P4HTM: variants seen among roughly 807,000 people sequenced by gnomAD.
P4HTM encodes transmembrane prolyl 4-hydroxylase.
A neutral mutation model predicts 55.3 loss-of-function variants in P4HTM; 33 were observed. The ratio of observed to expected loss-of-function variants is 0.60; its 90% CI spans 0.45 to 0.80. P4HTM has a LOEUF of 0.80. Ranked by LOEUF, P4HTM falls within the 30% of genes least tolerant of loss-of-function variation. The pLI, the probability that P4HTM is intolerant of heterozygous loss-of-function variation, is 0.00. For synonymous variants in P4HTM, 272 were observed against 286.4 expected (o/e 0.95, Z 0.51); for missense variants, 542 against 696.5 (o/e 0.78, Z 2.50).
Position 49,007,025 on chromosome 3 carries a change from C to A in P4HTM, c.*118C>A. 1.2e-6 allele frequency: 1 copy of A among 832,032 alleles called. No individual in the cohort carries two copies. The highest frequency in any genetic ancestry group is 1.9e-6 in the Non-Finnish European group (1 of 530,752). The allele number at this position is 832,032 out of a possible 1,614,324, so 51.5% of individuals were successfully genotyped here. ...CTGGCCAATGTCTTGCCCCACCCCGCCAGCCGCGATACGGCGCAGTTCCTA... is the reference window on the plus strand; with the variant it reads ...CTGGCCAATGTCTTGCCCCACCCCGACAGCCGCGATACGGCGCAGTTCCTA... On this transcript the variant is annotated 3_prime_UTR_variant, in exon 9 of 9. Transcript: ENST00000383729. The surrounding 1 kb of genome is among the most constrained non-coding windows in gnomAD (Gnocchi z 5.1).
chr3:49,005,404 CCT>C (rs1247638279), intron 6 of P4HTM: 6 of 1,404,444 alleles, frequency 4.3e-6, no homozygotes, highest in East Asian at 5.2e-5. Context: ...GCCTCCCTCC[CCT>C]GTCAAGCCAG....
upstream of P4HTM, chr3:48,990,164 G>C: frequency 9.5e-7 from 1 of 1,058,108 alleles, no homozygotes; most frequent in Non-Finnish European, 1.1e-6. This position sits in a 1 kb window ranked among gnomAD's most constrained non-coding sequence, Gnocchi z 7.2. Flanking sequence ...AGTGACCGCG[G>C]CGCTCGCGGG....
At chr3:48,992,564 C>G (rs1305011631) in intron 2 of P4HTM, among the ~76,000 whole-genome samples, 1 of 150,564 alleles carries the variant, frequency 6.6e-6, no homozygotes, top group African/African-American at 2.4e-5. Context: ...CAAGATCGCA[C>G]CACTGCATTC....
chr3:48,994,821 T>C (rs2092940868), intron 2 of P4HTM, among the ~76,000 whole-genome samples: 1 of 152,208 alleles, frequency 6.6e-6, no homozygotes, highest in South Asian at 2.1e-4. Context: ...TGTTTTGAGA[T>C]GGAGTTTCAC....
chr3:49,001,626 G>C lies in P4HTM; in HGVS notation c.625G>C (p.Glu209Gln). ...QNRDGHLQLR[E>Q]VLAQTRLGNG... ...CCGTGATGGGCACCTTCAGCTCCGT[G>C]AGGTTGGAATCCTGGGACCTGAGTA... The change falls in exon 3 of 9, where the codon GAG becomes CAG. Residue 209 changes from glutamate (E) to glutamine (Q), a missense_variant and splice_region_variant. Physicochemically the swap from Glu to Gln is conservative, Grantham distance 29. Transcript: ENST00000383729. 6.2e-7 allele frequency: 1 copy of C among 1,609,334 alleles called. No homozygotes were observed. The highest frequency in any genetic ancestry group is 8.5e-7 in the Non-Finnish European group (1 of 1,176,704).
chr3:48,994,020 C>A (rs550141822), intron 2 of P4HTM, among the ~76,000 whole-genome samples: 39 of 152,202 alleles, frequency 2.6e-4, no homozygotes, highest in Admixed American at 2.4e-3. Flanking sequence ...AAAGGCATAA[C>A]CAAGAGATTG....
chr3:48,991,932 C>T (rs1338263417), intron 2 of P4HTM: 1 of 152,216 alleles, frequency 6.6e-6, no homozygotes, highest in African/African-American at 2.4e-5. Flanking sequence ...GAGCACAAGT[C>T]ATTACCTCCA....
Position 49,006,876 on chromosome 3 carries a change from G to T in P4HTM, c.1478G>T (p.Arg493Leu). ...TCACAGCCCGAGTGGGCTCTGGACC[G>T]GGCCTACCGCGATGCGCGCGTGGAA... ...TDSQPEWALD[R>L]AYRDARVEL is the part of the protein sequence containing the mutation. The change falls in exon 9 of 9, where the codon CGG (arginine) becomes CTG (leucine). Residue 493 changes from arginine to leucine, a missense_variant. By Grantham distance (102) the Arg-to-Leu change is moderately radical. Coordinates refer to ENST00000383729, the MANE Select transcript of P4HTM (RefSeq NM_177939.3). 1 of 1,612,620 alleles carries T rather than the reference G, an allele frequency of 6.2e-7. No homozygotes were observed. The highest frequency in any genetic ancestry group is 8.5e-7 in the Non-Finnish European group (1 of 1,179,706).
intron 4 of P4HTM, 62 bp from the exon 5 acceptor site, chr3:49,004,036 G>C: frequency 2.7e-6 from 4 of 1,492,434 alleles, no homozygotes; most frequent in Non-Finnish European, 3.6e-6. Context: ...GGGAAGTGCA[G>C]CCTGCCACTG....
upstream of P4HTM, chr3:48,990,214 C>A (rs1046133399): frequency 8.7e-7 from 1 of 1,144,680 alleles, no homozygotes; most frequent in African/African-American, 1.6e-5. The surrounding 1 kb of genome is among the most constrained non-coding windows in gnomAD (Gnocchi z 7.2). Flanking sequence ...AGCGCGGGCA[C>A]CCCCGCGGCC....
chr3:49,005,872 G>T lies in P4HTM; in HGVS notation c.1164+5G>T. 1 of 1,542,094 alleles carries T rather than the reference G, an allele frequency of 6.5e-7. No individual in the cohort carries two copies. Among genetic ancestry groups the T allele is most frequent in the Non-Finnish European group, 8.8e-7 (1 of 1,142,522 alleles). On this transcript the variant is annotated splice_donor_5th_base_variant and intron_variant, in intron 7 of 8. Coordinates refer to ENST00000383729, the MANE Select transcript of P4HTM (RefSeq NM_177939.3). ...AACAGAACCTACGATGAAATGGTAAGGGTCAACTGGGCTATTACTCTTGTG... is the reference window on the plus strand; with the variant it reads ...AACAGAACCTACGATGAAATGGTAATGGTCAACTGGGCTATTACTCTTGTG...
rs775681019 is a variant in P4HTM at position 48,990,799 on chromosome 3, C to T, written c.355-34C>T. The T allele has an allele frequency of 3.1e-6, 5 of 1,599,882 alleles. No individual in the cohort carries two copies. In the Admixed American group the frequency reaches 6.7e-5, roughly 21 times the overall value. Reference sequence around the variant, plus strand: ...GCCCTTCTTGGGCAGCGCGGTCTGGCGCCCCAGCTGCCCGCTGTGCGCCTT... The same window carrying T: ...GCCCTTCTTGGGCAGCGCGGTCTGGTGCCCCAGCTGCCCGCTGTGCGCCTT... On this transcript the variant is annotated intron_variant, in intron 1 of 8. Coordinates refer to ENST00000383729, the MANE Select transcript of P4HTM (RefSeq NM_177939.3). This position sits in a 1 kb window ranked among gnomAD's most constrained non-coding sequence, Gnocchi z 7.2.
At position 49,003,842 on chromosome 3, in the gene P4HTM, G is replaced by T. The variant is rs1243178142; in HGVS notation, c.725-256G>T. 3 of 447,718 alleles carry T rather than the reference G, an allele frequency of 6.7e-6. No individual in the cohort carries two copies. In the Admixed American group the frequency reaches 1.2e-4, roughly 18 times the overall value. 27.7% of individuals were successfully genotyped at this position (447,718 alleles called of 1,614,324 possible). Reference sequence around the variant, plus strand: ...TCTCTGGCCACTCTAATAGGGGGTGGGCCTCTTTCTTCTTAGGGCCAAATT... The same window carrying T: ...TCTCTGGCCACTCTAATAGGGGGTGTGCCTCTTTCTTCTTAGGGCCAAATT... On this transcript the variant is annotated intron_variant, in intron 4 of 8. Coordinates refer to ENST00000383729, the MANE Select transcript of P4HTM (RefSeq NM_177939.3).
In P4HTM at chr3:48,990,347, C is replaced by T; in HGVS notation, c.91C>T (p.Gln31Ter). Reference protein sequence around the residue: ...RPQWAPPDHCQAQAAAGLGDG... With the variant: ...RPQWAPPDHC Reference sequence around the variant, plus strand: ...GCAGTGGGCGCCGCCAGACCACTGCCAGGCTCAGGCGGCGGCCGGGCTGGG... The same window carrying T: ...GCAGTGGGCGCCGCCAGACCACTGCTAGGCTCAGGCGGCGGCCGGGCTGGG... Residue 31 changes from glutamine (Q) to a stop codon, truncating the protein, a stop_gained, in exon 1 of 9, where the codon CAG becomes TAG. Transcript: ENST00000383729. LOFTEE classifies it high-confidence loss of function. The surrounding 1 kb of genome is among the most constrained non-coding windows in gnomAD (Gnocchi z 7.2). The T allele has an allele frequency of 6.5e-7, 1 of 1,544,682 alleles. No individual in the cohort carries two copies. Among genetic ancestry groups the T allele is most frequent in the Non-Finnish European group, 8.7e-7 (1 of 1,153,344 alleles).
intron 6 of P4HTM, 119 bp from the exon 7 acceptor site, chr3:49,005,658 C>T: frequency 6.9e-7 from 1 of 1,457,938 alleles, no homozygotes; most frequent in Non-Finnish European, 9.1e-7. Context: ...CTATTGTCTC[C>T]CATCCTAGTC....
chr3:49,005,903 G>A, intron 7 of P4HTM, 36 bp downstream of exon 7: 2 of 1,530,968 alleles, frequency 1.3e-6, no homozygotes, highest in Non-Finnish European at 1.8e-6. Flanking sequence ...TTGTGGGCTG[G>A]CAGGGGCTTA....
chr3:49,005,898 G>A, intron 7 of P4HTM, 31 bp downstream of exon 7: 1 of 1,530,768 alleles, frequency 6.5e-7, no homozygotes, highest in Non-Finnish European at 8.8e-7. Flanking sequence ...TACTCTTGTG[G>A]GCTGGCAGGG....
At chr3:48,994,783 TTTG>T (rs771836788) in intron 2 of P4HTM, among the ~76,000 whole-genome samples, 15 of 151,078 alleles carry the variant, frequency 9.9e-5, no homozygotes, top group Non-Finnish European at 1.5e-5. Context: ...GCTCTCTCTT[TTTG>T]TTTTGTTTTG....
At chr3:48,993,050 T>C (rs976258077) in intron 2 of P4HTM, among the ~76,000 whole-genome samples, 1 of 152,052 alleles carries the variant, frequency 6.6e-6, no homozygotes, top group Non-Finnish European at 1.5e-5. Context: ...ACGCCTGTAA[T>C]CCCAGAACTT....
Sources: allele counts gnomAD v4.1 joint callset (sites outside exome capture counted in the v4.1 genomes callset), GRCh38; gene constraint gnomAD v4.1.1; non-coding constraint Gnocchi (gnomAD v3.1); transcripts MANE v1.5; gene names NCBI Gene and HGNC (gene_info 2026-07-23, HGNC 2026-07-21).